CNTN4: variants seen among roughly 807,000 people sequenced by gnomAD.
CNTN4 encodes the protein contactin-4.
Under a neutral mutation model 122.5 loss-of-function variants are expected in CNTN4, and 77 were observed. The ratio of observed to expected loss-of-function variants is 0.63; its 90% CI spans 0.52 to 0.76. CNTN4 has a LOEUF of 0.76. Ranked by LOEUF, CNTN4 falls within the 30% of genes least tolerant of loss-of-function variation. The pLI is 0.00. For synonymous variants in CNTN4, 512 were observed against 447.0 expected (o/e 1.15, Z -1.83); for missense variants, 1,256 against 1,259.1 (o/e 1.00, Z 0.04).
rs77558346 is a variant in CNTN4, at chr3:2,185,010, C to T, written c.-145+84371C>T. Among the ~76,000 whole-genome samples the T allele has an allele frequency of 3.1e-3, 471 of 152,292 alleles. 3 individuals carry two copies. Among genetic ancestry groups the T allele is most frequent in the African/African-American group, 0.01 (429 of 41,572 alleles). ...GGTCTACAATCACAGGGTTGTTTAC[C>T]TGCAAGCTCCTCCTGGGCCTGGATT... On this transcript the variant is annotated intron_variant, in intron 2 of 24. Coordinates refer to ENST00000418658, the MANE Select transcript of CNTN4 (RefSeq NM_175607.3).
intron 2 of CNTN4, among the ~76,000 whole-genome samples, chr3:2,168,065 A>G (rs1192184767): frequency 6.6e-6 from 1 of 152,104 alleles, no homozygotes; most frequent in African/African-American, 2.4e-5. Context: ...TCCAGGAGTT[A>G]AAGGTTATAG....
chr3:3,001,110 G>T (rs1695996559), intron 14 of CNTN4, among the ~76,000 whole-genome samples: 1 of 152,144 alleles, frequency 6.6e-6, no homozygotes, highest in South Asian at 2.1e-4. Flanking sequence ...TGAGAAGTAA[G>T]TTGAGGCAGT....
At chr3:2,699,504 C>G (rs2086238083) in intron 4 of CNTN4, among the ~76,000 whole-genome samples, 1 of 152,164 alleles carries the variant, frequency 6.6e-6, no homozygotes, top group Non-Finnish European at 1.5e-5. Context: ...AGATTTGCAC[C>G]TAAGTCTTCT....
chr3:2,131,168 G>T (rs1184739595), intron 2 of CNTN4, among the ~76,000 whole-genome samples: 2 of 152,140 alleles, frequency 1.3e-5, no homozygotes, highest in African/African-American at 4.8e-5. Context: ...TACAGATGAG[G>T]AAGAGTTTCA....
intron 4 of CNTN4, among the ~76,000 whole-genome samples, chr3:2,719,188 A>T (rs886122687): frequency 2.0e-5 from 3 of 152,232 alleles, no homozygotes; most frequent in African/African-American, 7.2e-5. Flanking sequence ...GTACGTACTC[A>T]GAAAACATTT....
intron 4 of CNTN4, among the ~76,000 whole-genome samples, chr3:2,626,506 AC>A (rs201332747): frequency 1.3e-5 from 2 of 150,790 alleles, no homozygotes; most frequent in African/African-American, 2.4e-5. Flanking sequence ...CAAAAAAAAA[AC>A]AACAAAAAAC....
chr3:2,384,869 C>T (rs1418980529), intron 3 of CNTN4, among the ~76,000 whole-genome samples: 1 of 151,702 alleles, frequency 6.6e-6, no homozygotes, highest in East Asian at 1.9e-4. Flanking sequence ...CCTATTTTTG[C>T]AGATTTTTCT....
At chr3:2,345,763 T>A (rs975592190) in intron 3 of CNTN4, among the ~76,000 whole-genome samples, 3 of 152,162 alleles carry the variant, frequency 2.0e-5, no homozygotes, top group Non-Finnish European at 4.4e-5. Flanking sequence ...AGCTTATAGT[T>A]CCGCACCACA....
chr3:2,357,347 T>C (rs1425840862), intron 3 of CNTN4, among the ~76,000 whole-genome samples: 1 of 152,212 alleles, frequency 6.6e-6, no homozygotes, highest in African/African-American at 2.4e-5. Context: ...TTTGTAACAG[T>C]GTTGGAATTA....
chr3:2,650,201 T>A (rs2150185787), intron 4 of CNTN4, among the ~76,000 whole-genome samples: 1 of 151,868 alleles, frequency 6.6e-6, no homozygotes, highest in African/African-American at 2.4e-5. Flanking sequence ...CGGATGACTT[T>A]GAGGGGCTTA....
chr3:2,988,776 C>G (rs1182750614), intron 14 of CNTN4: 1 of 334,346 alleles, frequency 3.0e-6, no homozygotes, highest in Admixed American at 4.3e-5. Context: ...TTTCAAGTCT[C>G]TATAGATTTG....
At chr3:2,577,911 C>A (rs986554356) in intron 4 of CNTN4, among the ~76,000 whole-genome samples, 1 of 152,116 alleles carries the variant, frequency 6.6e-6, no homozygotes, top group African/African-American at 2.4e-5. Context: ...CCAACTTCAG[C>A]AATTATCTCT....
chr3:2,836,934 A>G (rs2093239776), intron 7 of CNTN4, among the ~76,000 whole-genome samples: 1 of 152,180 alleles, frequency 6.6e-6, no homozygotes, highest in African/African-American at 2.4e-5. Context: ...AGATACTTCT[A>G]TAATCTGCTT....
At chr3:2,298,514 G>T (rs184799462) in intron 2 of CNTN4, among the ~76,000 whole-genome samples, 7 of 151,832 alleles carry the variant, frequency 4.6e-5, no homozygotes, top group African/African-American at 1.4e-4. Context: ...TCTTTCTTCT[G>T]TCCCCCGACT....
intron 3 of CNTN4, among the ~76,000 whole-genome samples, chr3:2,353,926 C>A (rs1050010177): frequency 4.0e-5 from 6 of 151,456 alleles, no homozygotes; most frequent in African/African-American, 9.7e-5. Flanking sequence ...AACAAACAAA[C>A]AAAAAAAACA....
intron 3 of CNTN4, among the ~76,000 whole-genome samples, chr3:2,567,576 C>T (rs1054035350): frequency 1.3e-5 from 2 of 152,214 alleles, no homozygotes; most frequent in Admixed American, 1.3e-4. Context: ...TGCATTCTCA[C>T]TAATCCTTAC....
Position 2,793,182 on chromosome 3 carries a change from G to C in CNTN4, c.359-26304G>C, listed in dbSNP as rs370183847. Reference sequence around the variant, plus strand: ...TTAGCTTCATCCGAAATAGAAACAGGTTTGCTTGCTGGAAAGAAAGTTCAC... The same window carrying C: ...TTAGCTTCATCCGAAATAGAAACAGCTTTGCTTGCTGGAAAGAAAGTTCAC... On this transcript the variant is annotated intron_variant, in intron 6 of 24. Transcript: ENST00000418658. 9.2e-5 allele frequency among the ~76,000 whole-genome samples: 14 copies of C among 152,072 alleles called. No individual in the cohort carries two copies. In the East Asian group the frequency reaches 1.9e-3, roughly 21 times the overall value.
chr3:2,335,226 A>G (rs4685514), intron 2 of CNTN4, among the ~76,000 whole-genome samples: 11,706 of 152,176 alleles, frequency 0.077, 507 homozygotes, highest in Middle Eastern at 0.085. Context: ...TTTAGTTTAT[A>G]ATAAAAACTT....
intron 13 of CNTN4, among the ~76,000 whole-genome samples, chr3:2,984,831 A>C (rs17024246): frequency 0.01 from 1,527 of 152,360 alleles, 26 homozygotes; most frequent in African/African-American, 0.034. Flanking sequence ...AAGTCTGTAC[A>C]TAAAACACAA....
Sources: allele counts gnomAD v4.1 joint callset (sites outside exome capture counted in the v4.1 genomes callset), GRCh38; gene constraint gnomAD v4.1.1; transcripts MANE v1.5; gene names NCBI Gene and HGNC (gene_info 2026-07-23, HGNC 2026-07-21).